FDFT1: variants seen among roughly 807,000 people sequenced by gnomAD.
FDFT1 encodes the protein squalene synthase.
Under a neutral mutation model 46.8 loss-of-function variants are expected in FDFT1, and 68 were observed. That is an observed-to-expected ratio of 1.45 (90% confidence interval 1.19 to 1.78). The LOEUF (loss-of-function observed/expected upper bound fraction) is 1.78. FDFT1 is among the 40% of genes most tolerant of loss of function. The pLI is 0.00. For missense variants in FDFT1, 928 were observed against 524.4 expected (o/e 1.77, Z -7.52); for synonymous variants, 351 against 185.1 (o/e 1.90, Z -7.28).
chr8:11,826,815 A>C (rs935706098), intron 5 of FDFT1, among the ~76,000 whole-genome samples: 3 of 152,112 alleles, frequency 2.0e-5, no homozygotes, highest in Non-Finnish European at 4.4e-5. Context: ...ACTCCCTCTC[A>C]AAAGAAGAGG....
intron 7 of FDFT1, among the ~76,000 whole-genome samples, chr8:11,835,899 T>G (rs916531709): frequency 3.5e-5 from 5 of 141,322 alleles, no homozygotes; most frequent in African/African-American, 1.0e-4. Flanking sequence ...TTTGGGAGGC[T>G]GAGGCAGGCG....
At chr8:11,803,292 G>C in intron 1 of FDFT1, 3 of 1,316,540 alleles carry the variant, frequency 2.3e-6, no homozygotes, top group South Asian at 1.2e-5. Flanking sequence ...GGACGAGTGA[G>C]TTTTTTGGTA....
At chr8:11,799,931 T>G (rs1585831862), upstream of FDFT1, among the ~76,000 whole-genome samples, 22 of 110,850 alleles carry the variant, frequency 2.0e-4, no homozygotes, top group East Asian at 2.6e-4. Flanking sequence ...CACGACAGAG[T>G]GAGACTCCAT....
chr8:11,826,124 C>T lies in FDFT1; in HGVS notation c.611C>T (p.Ala204Val), dbSNP rs1809950954. ...TTAGTTGGTGAAGATACAGAACGTG[C>T]CAACTCTATGGGCCTGTTTTTGCAG... ...DPLVGEDTER[A>V]NSMGLFLQKT... The change falls in exon 5 of 8, where the codon GCC becomes GTC. Residue 204 changes from alanine to valine, a missense_variant. Physicochemically the swap from Ala to Val is moderately conservative, Grantham distance 64. Transcript: ENST00000220584. 14 of 1,609,384 alleles carry T rather than the reference C, an allele frequency of 8.7e-6. No homozygotes were observed. The highest frequency in any genetic ancestry group is 1.2e-5 in the Non-Finnish European group (14 of 1,176,446).
At chr8:11,834,630 T>A (rs532938672) in intron 7 of FDFT1, among the ~76,000 whole-genome samples, 55 of 152,288 alleles carry the variant, frequency 3.6e-4, no homozygotes, top group African/African-American at 1.2e-3. Context: ...TCCCAAATGA[T>A]GTTTTTGCTT....
chr8:11,804,928 G>GC lies in FDFT1; in HGVS notation c.99+1997_99+1998insC, dbSNP rs61531409. On this transcript the variant is annotated intron_variant, in intron 1 of 7. Transcript: ENST00000220584. ...CCGGCCTTTTTTTTTTTTTTTTTGA[G>GC]GGGGGGGTCTCACTCCATCGTCCAG... Among the ~76,000 whole-genome samples, 3 of 16,960 alleles carry GC rather than the reference G, an allele frequency of 1.8e-4. No homozygotes were observed. In the Admixed American group the frequency reaches 1.8e-3, roughly 10 times the overall value. The allele number at this position is 16,960 out of a possible 152,430, so 11.1% of individuals were successfully genotyped here.
chr8:11,797,309 C>T (rs1391539946), upstream of FDFT1, among the ~76,000 whole-genome samples: 11 of 152,162 alleles, frequency 7.2e-5, no homozygotes, highest in East Asian at 1.9e-3. Flanking sequence ...TAGTGTCTGG[C>T]TGTTATCCAT....
At position 11,830,281 on chromosome 8, in the gene FDFT1, C is replaced by T. The variant is rs754785762; in HGVS notation, c.740C>T (p.Ala247Val). 2.1e-5 allele frequency: 34 copies of T among 1,613,924 alleles called. No homozygotes were observed. Among genetic ancestry groups the T allele is most frequent in the Non-Finnish European group, 2.6e-5 (31 of 1,179,924 alleles). ...SRYVKKLGDFAKPENIDLAVQ... is the reference protein window; with the variant it reads ...SRYVKKLGDFVKPENIDLAVQ... ...TATGTTAAGAAGTTAGGGGATTTTG[C>T]TAAGCCGGAGAATATTGACTTGGCC... is the stretch of plus-strand genomic sequence containing the variant. The change falls in exon 6 of 8, where the codon GCT (alanine) becomes GTT (valine). Residue 247 changes from alanine (A) to valine (V), a missense_variant. Ala to Val is a moderately conservative substitution (Grantham distance 64). Transcript: ENST00000220584.
intron 3 of FDFT1, 108 bp from the exon 4 acceptor site, chr8:11,821,642 A>G: frequency 2.3e-6 from 3 of 1,308,732 alleles, no homozygotes; most frequent in Non-Finnish European, 2.2e-6. Context: ...AGGCTTATAG[A>G]TGAACCATTG....
chr8:11,803,620 G>A (rs752233867), intron 1 of FDFT1: 3 of 536,364 alleles, frequency 5.6e-6, no homozygotes, highest in African/African-American at 2.0e-5. Context: ...AAAATTATTC[G>A]TACGCGATTA....
chr8:11,806,011 C>G (rs920583757), intron 1 of FDFT1, among the ~76,000 whole-genome samples: 4 of 152,246 alleles, frequency 2.6e-5, no homozygotes, highest in African/African-American at 9.6e-5. Flanking sequence ...AAATTCAGTT[C>G]TCAAGTTTGT....
chr8:11,808,934 T>C, intron 2 of FDFT1, 43 bp downstream of exon 2: 1 of 1,596,838 alleles, frequency 6.3e-7, no homozygotes, highest in South Asian at 1.1e-5. Flanking sequence ...GGAAAGCTTG[T>C]CCGGGACCTT....
intron 6 of FDFT1, 73 bp downstream of exon 6, chr8:11,830,493 G>A: frequency 3.7e-6 from 4 of 1,086,490 alleles, no homozygotes; most frequent in Admixed American, 2.0e-5. Flanking sequence ...GGATTTTGCT[G>A]TGCTATATTC....
At chr8:11,815,132 CGTT>C (rs1808274381) in intron 3 of FDFT1, among the ~76,000 whole-genome samples, 1 of 152,058 alleles carries the variant, frequency 6.6e-6, no homozygotes. Context: ...GGTTTTCTGT[CGTT>C]GTGATACTTT....
chr8:11,814,820 A>G (rs1216782610), intron 3 of FDFT1, among the ~76,000 whole-genome samples: 3 of 152,276 alleles, frequency 2.0e-5, no homozygotes, highest in African/African-American at 7.2e-5. Flanking sequence ...AATGGTTGGC[A>G]GATCTGCTCA....
At chr8:11,806,824 G>A (rs765792372) in intron 1 of FDFT1, among the ~76,000 whole-genome samples, 38 of 152,202 alleles carry the variant, frequency 2.5e-4, no homozygotes, top group Non-Finnish European at 4.7e-4. Context: ...TAAAATCCTC[G>A]ATGAATGTCT....
At chr8:11,816,332 G>C (rs570041464) in intron 3 of FDFT1, among the ~76,000 whole-genome samples, 1 of 152,184 alleles carries the variant, frequency 6.6e-6, no homozygotes, top group Non-Finnish European at 1.5e-5. Context: ...TTTGGCTTAG[G>C]ATTGTCTTGG....
At chr8:11,831,827 T>C in intron 7 of FDFT1, 157 bp downstream of exon 7, 1 of 664,620 alleles carries the variant, frequency 1.5e-6, no homozygotes, top group East Asian at 2.7e-5. Flanking sequence ...GAAAAAAGTC[T>C]ATTCACAGGA....
At chr8:11,806,953 C>A (rs576914401) in intron 1 of FDFT1, among the ~76,000 whole-genome samples, 1 of 152,016 alleles carries the variant, frequency 6.6e-6, no homozygotes, top group African/African-American at 2.4e-5. Flanking sequence ...AATAAAATGA[C>A]TTTTTCAGGA....
Sources: gnomAD v4.1 joint callset for allele counts (sites outside exome capture counted in the v4.1 genomes callset) on GRCh38, gnomAD v4.1.1 for gene constraint, MANE v1.5 for transcripts, NCBI Gene and HGNC (gene_info 2026-07-23, HGNC 2026-07-21) for gene names.